The following PCSK2 variants were observed in gnomAD, a reference collection of about 807,000 sequenced individuals.
PCSK2 encodes the protein proprotein convertase subtilisin/kexin type 2.
Under a neutral mutation model 69.7 loss-of-function variants are expected in PCSK2, and 14 were observed. The ratio of observed to expected loss-of-function variants is 0.20; its 90% confidence interval spans 0.13 to 0.31. PCSK2 has a LOEUF of 0.31. PCSK2 is among the 10% of genes least tolerant of loss of function. The probability of loss-of-function intolerance (pLI) is 1.00; values close to 1 mark genes in which losing one functional copy is unlikely to be tolerated. For missense variants in PCSK2, 544 were observed against 842.5 expected (o/e 0.65, Z 4.39); for synonymous variants, 307 against 320.7 (o/e 0.96, Z 0.46).
intron 6 of PCSK2, among the ~76,000 whole-genome samples, chr20:17,417,913 T>TG (rs1192912180): frequency 6.6e-6 from 1 of 151,840 alleles, no homozygotes; most frequent in East Asian, 1.9e-4. Flanking sequence ...TGTTTTTGAT[T>TG]TTTTTCTAAT....
chr20:17,388,197 G>A (rs531610426), intron 5 of PCSK2, among the ~76,000 whole-genome samples: 123 of 152,194 alleles, frequency 8.1e-4, no homozygotes, highest in African/African-American at 2.8e-3. Flanking sequence ...AAAGAGAACC[G>A]ACTGTATAAA....
At chr20:17,460,178 C>T (rs1444119140) in intron 10 of PCSK2, among the ~76,000 whole-genome samples, 1 of 149,846 alleles carries the variant, frequency 6.7e-6, no homozygotes, top group Non-Finnish European at 1.5e-5. Flanking sequence ...ACATTTCAGG[C>T]AGGAAAAGGA....
chr20:17,281,944 C>T (rs1988331183), intron 2 of PCSK2, among the ~76,000 whole-genome samples: 1 of 152,036 alleles, frequency 6.6e-6, no homozygotes, highest in Non-Finnish European at 1.5e-5. Context: ...TGACTGTTGC[C>T]CTTAGGTACC....
chr20:17,391,819 T>TA (rs1454444521), intron 5 of PCSK2, among the ~76,000 whole-genome samples: 1 of 151,346 alleles, frequency 6.6e-6, no homozygotes, highest in Non-Finnish European at 1.5e-5. Flanking sequence ...TGCAGTGAGC[T>TA]ATGATTACAC....
chr20:17,269,551 C>T (rs1032224527), intron 2 of PCSK2, among the ~76,000 whole-genome samples: 3 of 152,070 alleles, frequency 2.0e-5, no homozygotes, highest in Non-Finnish European at 2.9e-5. Context: ...GCTTTCTCAA[C>T]GGATATTGAA....
At chr20:17,402,874 A>G (rs1164098459) in intron 5 of PCSK2, among the ~76,000 whole-genome samples, 2 of 151,816 alleles carry the variant, frequency 1.3e-5, no homozygotes, top group African/African-American at 2.4e-5. Flanking sequence ...GGAGAATGGC[A>G]TGAACCTGGG....
intron 2 of PCSK2, among the ~76,000 whole-genome samples, chr20:17,281,244 G>A (rs1340706651): frequency 1.3e-5 from 2 of 152,134 alleles, no homozygotes; most frequent in African/African-American, 4.8e-5. Flanking sequence ...ATGGAATTAG[G>A]CTTCTCCCTT....
intron 2 of PCSK2, among the ~76,000 whole-genome samples, chr20:17,357,830 G>C (rs1377321051): frequency 6.6e-6 from 1 of 151,240 alleles, no homozygotes; most frequent in African/African-American, 2.4e-5. Context: ...GGAGGCCAAG[G>C]TTGCAGTGAG....
intron 1 of PCSK2, among the ~76,000 whole-genome samples, chr20:17,239,841 CTTT>C (rs869179656): frequency 2.0e-4 from 14 of 68,660 alleles, no homozygotes; most frequent in Admixed American, 1.1e-3. Context: ...GGTGAAAACA[CTTT>C]TTTTTTTTTT....
intron 6 of PCSK2, among the ~76,000 whole-genome samples, chr20:17,421,596 T>C (rs1269490855): frequency 6.6e-6 from 1 of 152,060 alleles, no homozygotes; most frequent in Non-Finnish European, 1.5e-5. Flanking sequence ...AATCTGTAGA[T>C]GCAGAGAGAC....
At chr20:17,445,179 C>A (rs368280587) in intron 8 of PCSK2, among the ~76,000 whole-genome samples, 88 of 152,286 alleles carry the variant, frequency 5.8e-4, no homozygotes, top group African/African-American at 2.0e-3. Flanking sequence ...GCTACAAAAA[C>A]CAGCCATTAT....
intron 5 of PCSK2, among the ~76,000 whole-genome samples, chr20:17,405,559 C>A (rs184565725): frequency 1.3e-5 from 2 of 152,318 alleles, no homozygotes; most frequent in Admixed American, 1.3e-4. Context: ...GCAATTACAG[C>A]ACCTCATATA....
At chr20:17,240,043 G>A (rs1465850392) in intron 1 of PCSK2, among the ~76,000 whole-genome samples, 3 of 151,480 alleles carry the variant, frequency 2.0e-5, no homozygotes, top group African/African-American at 4.9e-5. Flanking sequence ...TAGTAGAGAC[G>A]GGGTTTTACC....
chr20:17,274,919 C>T (rs1215637342), intron 2 of PCSK2, among the ~76,000 whole-genome samples: 1 of 151,968 alleles, frequency 6.6e-6, no homozygotes. Flanking sequence ...CCCCAGCAGT[C>T]TACAGCATAG....
chr20:17,309,589 G>C (rs2081495954), intron 2 of PCSK2, among the ~76,000 whole-genome samples: 1 of 152,042 alleles, frequency 6.6e-6, no homozygotes, highest in South Asian at 2.1e-4. Context: ...AGGCCAAAGT[G>C]GGCAGATCAC....
intron 7 of PCSK2, among the ~76,000 whole-genome samples, chr20:17,429,759 T>C (rs2032326692): frequency 6.6e-6 from 1 of 152,226 alleles, no homozygotes; most frequent in Admixed American, 6.5e-5. Flanking sequence ...CTAATGACTT[T>C]TCCCAAACTG....
intron 11 of PCSK2, among the ~76,000 whole-genome samples, chr20:17,477,643 T>C (rs1248761851): frequency 1.3e-5 from 2 of 152,162 alleles, no homozygotes; most frequent in East Asian, 3.8e-4. Flanking sequence ...GTATTAATTA[T>C]TGTTATTTGG....
At chr20:17,364,115 T>C (rs1048853992) in intron 4 of PCSK2, among the ~76,000 whole-genome samples, 12 of 151,274 alleles carry the variant, frequency 7.9e-5, no homozygotes, top group African/African-American at 2.9e-4. Flanking sequence ...TGTGCACATG[T>C]ACCCTAAAAC....
At chr20:17,374,489 A>G (rs1898462621) in intron 5 of PCSK2, among the ~76,000 whole-genome samples, 1 of 152,140 alleles carries the variant, frequency 6.6e-6, no homozygotes, top group African/African-American at 2.4e-5. Context: ...TACAAAGGTG[A>G]AGAAAAGGCT....
Sources: gnomAD v4.1 joint callset for allele counts (sites outside exome capture counted in the v4.1 genomes callset) on GRCh38, gnomAD v4.1.1 for gene constraint, MANE v1.5 for transcripts, NCBI Gene and HGNC (gene_info 2026-07-23, HGNC 2026-07-21) for gene names.